XRCC6: variants seen among roughly 807,000 people sequenced by gnomAD.
The protein encoded by XRCC6 is X-ray repair cross complementing 6.
In XRCC6, 5 loss-of-function variants were observed where a neutral mutation model predicts 65.7. The observed-to-expected ratio is 0.08, with a 90% CI of 0.04 to 0.16. The LOEUF is 0.16. Ranked by LOEUF, XRCC6 falls within the 10% of genes least tolerant of loss-of-function variation. The pLI is 1.00. For synonymous variants in XRCC6, 270 were observed against 270.6 expected (o/e 1.00, Z 0.02); for missense variants, 447 against 738.1 (o/e 0.61, Z 4.57).
intron 11 of XRCC6, among the ~76,000 whole-genome samples, chr22:41,658,855 C>A (rs1601557450): frequency 6.6e-6 from 1 of 152,210 alleles, no homozygotes; most frequent in African/African-American, 2.4e-5. Context: ...CGGTTGAACT[C>A]AGGAGGCAGA....
Position 41,653,665 on chromosome 22 carries a change from C to A in XRCC6, c.1266C>A (p.Asp422Glu), listed in dbSNP as rs773947446. 1 of 1,613,942 alleles carries A rather than the reference C, an allele frequency of 6.2e-7. No homozygotes were observed. The highest frequency in any genetic ancestry group is 8.5e-7 in the Non-Finnish European group (1 of 1,179,926). Reference protein sequence around the residue: ...ALVPQEEELDDQKIQVTPPGF... With the variant: ...ALVPQEEELDEQKIQVTPPGF... ...TGCCACAGGAAGAAGAGTTGGATGA[C>A]CAGAAAATTCAGGTGACTCCTCCAG... The change falls in exon 9 of 13, where the codon GAC (aspartate) becomes GAA (glutamate). Residue 422 changes from aspartate (D) to glutamate (E), a missense_variant. By Grantham distance (45) the Asp-to-Glu change is conservative. Around this residue, in one of 4 missense-constraint regions of XRCC6, gnomAD observed 201 missense variants for 374.1 expected, o/e 0.54. Coordinates refer to ENST00000360079, the MANE Select transcript of XRCC6 (RefSeq NM_001469.5).
At position 41,650,801 on chromosome 22, in the gene XRCC6, C is replaced by T; in HGVS notation, c.1039C>T (p.Leu347Phe). 1.9e-6 allele frequency: 3 copies of T among 1,613,940 alleles called. No homozygotes were observed. Among genetic ancestry groups the T allele is most frequent in the Non-Finnish European group, 2.5e-6 (3 of 1,179,874 alleles). Residue 347 changes from leucine (L) to phenylalanine (F), a missense_variant, in exon 8 of 13, where the codon CTC becomes TTC. Physicochemically the swap from Leu to Phe is conservative, Grantham distance 22. Transcript: ENST00000360079. ...ACGGTTTGATGATCCAGGTTTGATGCTCATGGGTTTCAAGCCGTTGGTACT... is the reference window on the plus strand; with the variant it reads ...ACGGTTTGATGATCCAGGTTTGATGTTCATGGGTTTCAAGCCGTTGGTACT... ...LKRFDDPGLM[L>F]MGFKPLVLLK...
intron 9 of XRCC6, among the ~76,000 whole-genome samples, chr22:41,656,341 C>T (rs868480558): frequency 1.3e-5 from 2 of 151,506 alleles, no homozygotes; most frequent in Admixed American, 6.6e-5. Flanking sequence ...GCCAACATGG[C>T]GAAACCCCAT....
intron 11 of XRCC6, among the ~76,000 whole-genome samples, chr22:41,660,657 A>G (rs186511324): frequency 1.3e-4 from 19 of 151,868 alleles, no homozygotes; most frequent in Admixed American, 7.9e-4. Context: ...GTCACCTGCT[A>G]TTTCTCTCCC....
intron 6 of XRCC6, among the ~76,000 whole-genome samples, chr22:41,640,910 C>A (rs924122874): frequency 6.6e-6 from 1 of 152,080 alleles, no homozygotes; most frequent in African/African-American, 2.4e-5. Context: ...TGCTATGCGA[C>A]CTGACTTCTC....
intron 3 of XRCC6, among the ~76,000 whole-genome samples, chr22:41,631,689 G>A (rs892810208): frequency 2.0e-5 from 3 of 149,762 alleles, no homozygotes; most frequent in Non-Finnish European, 4.4e-5. Flanking sequence ...GACGATGGGC[G>A]GCCAGGCAGA....
At chr22:41,643,388 G>A (rs1267323885) in intron 6 of XRCC6, among the ~76,000 whole-genome samples, 1 of 152,038 alleles carries the variant, frequency 6.6e-6, no homozygotes, top group Non-Finnish European at 1.5e-5. Context: ...CAGCTTAGGC[G>A]ACAGAGCGAG....
Position 41,649,139 on chromosome 22 carries a change from A to ATATATATATATATATATATATAT in XRCC6, c.961-1584_961-1583insTATATATATATATATATATATAT, listed in dbSNP as rs1555906701. ...GGGAAGAGAGTACAAAAAAAAAAAAAATATATATATATATATATATATATG... is the reference window on the plus strand; with the variant it reads ...GGGAAGAGAGTACAAAAAAAAAAAAATATATATATATATATATATATATATATATATATATATATATATATATG... On this transcript the variant is annotated intron_variant, in intron 7 of 12. Coordinates refer to ENST00000360079, the MANE Select transcript of XRCC6 (RefSeq NM_001469.5). Among the ~76,000 whole-genome samples, 11 of 88,700 alleles carry ATATATATATATATATATATATAT rather than the reference A, an allele frequency of 1.2e-4. No homozygotes were observed. In the South Asian group the frequency reaches 1.3e-3, roughly 11 times the overall value. 58.2% of individuals were successfully genotyped at this position (88,700 alleles called of 152,430 possible). A position where few individuals can be genotyped will look rare whatever the true frequency, so the allele number is the denominator to read the frequency against.
At chr22:41,640,165 T>C (rs1190329189) in intron 6 of XRCC6, among the ~76,000 whole-genome samples, 1 of 151,876 alleles carries the variant, frequency 6.6e-6, no homozygotes, top group Non-Finnish European at 1.5e-5. Flanking sequence ...TAGCTTTTTT[T>C]TGAGACAGAG....
chr22:41,648,493 T>G (rs951865126), intron 7 of XRCC6, among the ~76,000 whole-genome samples: 1 of 152,132 alleles, frequency 6.6e-6, no homozygotes, highest in Admixed American at 6.5e-5. Flanking sequence ...GCTAGTGATA[T>G]TTTTCCTGTG....
In XRCC6 at chr22:41,653,649, A is replaced by C; in HGVS notation, c.1250A>C (p.Glu417Ala). 1 of 1,614,030 alleles carries C rather than the reference A, an allele frequency of 6.2e-7. No individual in the cohort carries two copies. Among genetic ancestry groups the C allele is most frequent in the East Asian group, 2.2e-5 (1 of 44,880 alleles). The stretch of plus-strand genomic sequence containing the variant: ...TATTTTGTGGCTTTGGTGCCACAGG[A>C]AGAAGAGTTGGATGACCAGAAAATT... ...PPYFVALVPQ[E>A]EELDDQKIQV... The change falls in exon 9 of 13, where the codon GAA becomes GCA. Residue 417 changes from glutamate to alanine, a missense_variant. This residue lies in a region of XRCC6 where 201 missense variants were observed against 374.1 expected (regional missense o/e 0.54). Transcript: ENST00000360079.
intron 12 of XRCC6, among the ~76,000 whole-genome samples, chr22:41,662,241 T>G (rs2068106346): frequency 6.6e-6 from 1 of 152,192 alleles, no homozygotes; most frequent in African/African-American, 2.4e-5. Flanking sequence ...ACACAAAAGA[T>G]AAATGCTTGA....
rs757058249 is a variant in XRCC6, at chr22:41,636,110, C to T, written c.196-3C>T. On this transcript the variant is annotated splice_polypyrimidine_tract_variant and splice_region_variant and intron_variant, in intron 3 of 12. Transcript: ENST00000360079. The stretch of plus-strand genomic sequence containing the variant: ...TAAATATTAATTGAATTTTTTTTTT[C>T]AGTGTATCCAAAGTGTGTACATCAG... 20 of 1,550,334 alleles carry T rather than the reference C, an allele frequency of 1.3e-5. No individual in the cohort carries two copies. The highest frequency in any genetic ancestry group is 1.4e-5 in the Non-Finnish European group (16 of 1,157,570).
intron 6 of XRCC6, among the ~76,000 whole-genome samples, chr22:41,644,399 G>A (rs2067909881): frequency 6.6e-6 from 1 of 152,108 alleles, no homozygotes; most frequent in Admixed American, 6.5e-5. Flanking sequence ...TGTGTATCAT[G>A]GGTTATTTTA....
rs554973927 is a variant in XRCC6, at chr22:41,637,525, C to T, written c.590-83C>T. ...CTAGTTTTCAGGGAGCTTTTAAAAG[C>T]ATGTTTCAGTTTTAACTGAAAGAAC... On this transcript the variant is annotated intron_variant, in intron 5 of 12. Transcript: ENST00000360079. 1.4e-5 allele frequency: 18 copies of T among 1,269,764 alleles called. No homozygotes were observed. The South Asian group carries it at 2.8e-4, about 20-fold the overall frequency. 78.7% of individuals were successfully genotyped at this position (1,269,764 alleles called of 1,614,324 possible).
intron 8 of XRCC6, among the ~76,000 whole-genome samples, chr22:41,651,510 T>C (rs1601551443): frequency 6.8e-6 from 1 of 146,732 alleles, no homozygotes; most frequent in East Asian, 2.0e-4. Flanking sequence ...AATTTAGCTT[T>C]ATATATATAT....
At chr22:41,661,540 C>A (rs966744651) in intron 12 of XRCC6, 96 bp downstream of exon 12, 1 of 1,050,664 alleles carries the variant, frequency 9.5e-7, no homozygotes, top group East Asian at 2.5e-5. Context: ...AATATCTATT[C>A]ACAGTCTAGT....
In XRCC6 at chr22:41,646,885, T is replaced by A; in HGVS notation, c.774-11T>A. On this transcript the variant is annotated splice_polypyrimidine_tract_variant and intron_variant, in intron 6 of 12. Coordinates refer to ENST00000360079, the MANE Select transcript of XRCC6 (RefSeq NM_001469.5). Reference sequence around the variant, plus strand: ...TTTCAGTTCATGCTCTTTCATTTTTTACTCCCTCAGGTTAAAGCTGAAGCT... The same window carrying A: ...TTTCAGTTCATGCTCTTTCATTTTTAACTCCCTCAGGTTAAAGCTGAAGCT... The A allele has an allele frequency of 6.4e-7, 1 of 1,573,574 alleles. No homozygotes were observed.
In XRCC6 at chr22:41,636,749, G is replaced by A. The variant is rs2147083538; in HGVS notation, c.568G>A (p.Ala190Thr). The A allele has an allele frequency of 6.2e-7, 1 of 1,614,160 alleles. No individual in the cohort carries two copies. Among genetic ancestry groups the A allele is most frequent in the Middle Eastern group, 1.6e-4 (1 of 6,062 alleles). ...SAKASRARTKAGDLRDTGIFL... is the reference protein window; with the variant it reads ...SAKASRARTKTGDLRDTGIFL... The stretch of plus-strand genomic sequence containing the variant: ...CAAAGCCAGCCGGGCCAGGACCAAA[G>A]CCGGTGATCTCCGAGATACAGGTGG... The change falls in exon 5 of 13, where the codon GCC becomes ACC. Residue 190 changes from alanine to threonine, a missense_variant. Ala to Thr is a moderately conservative substitution (Grantham distance 58, BLOSUM62 0). Around this residue, in one of 4 missense-constraint regions of XRCC6, gnomAD observed 228 missense variants for 307.4 expected, o/e 0.74. Transcript: ENST00000360079.
Sources: allele counts gnomAD v4.1 joint callset (sites outside exome capture counted in the v4.1 genomes callset), GRCh38; gene constraint gnomAD v4.1.1; regional missense constraint gnomAD v4.1.1; transcripts MANE v1.5; gene names NCBI Gene and HGNC (gene_info 2026-07-23, HGNC 2026-07-21).